Variants in LOXHD1 observed in about 807,000 individuals in gnomAD.
LOXHD1 encodes the protein lipoxygenase homology domain-containing protein 1.
A neutral mutation model predicts 248.2 loss-of-function variants in LOXHD1; 205 were observed. The ratio of observed to expected loss-of-function variants is 0.83; its 90% CI spans 0.74 to 0.93. LOXHD1 has a LOEUF of 0.93. LOXHD1 is among the 40% of genes least tolerant of loss of function. The pLI is 0.00. For missense variants in LOXHD1, 2,930 were observed against 2,971.6 expected (o/e 0.99, Z 0.33); for synonymous variants, 1,113 against 1,162.8 (o/e 0.96, Z 0.87).
At chr18:46,576,655 T>C (rs2037861482) in intron 14 of LOXHD1, among the ~76,000 whole-genome samples, 1 of 152,182 alleles carries the variant, frequency 6.6e-6, no homozygotes, top group South Asian at 2.1e-4. Context: ...TGTAATTCCT[T>C]GTAATACAAA....
At chr18:46,653,728 C>T (rs765899980) in intron 1 of LOXHD1, among the ~76,000 whole-genome samples, 1 of 152,152 alleles carries the variant, frequency 6.6e-6, no homozygotes, top group Non-Finnish European at 1.5e-5. Context: ...GGATTTGAAG[C>T]CCAGTTCTAC....
At chr18:46,552,444 A>AC (rs1394620354) in intron 21 of LOXHD1, among the ~76,000 whole-genome samples, 1 of 151,748 alleles carries the variant, frequency 6.6e-6, no homozygotes, top group Non-Finnish European at 1.5e-5. Flanking sequence ...TGCACCCCCA[A>AC]CCCCCTCCTC....
In LOXHD1 at chr18:46,577,745, C is replaced by A. The variant is rs2037885734; in HGVS notation, c.1932G>T (p.Gly644=). The A allele has an allele frequency of 6.4e-7, 1 of 1,551,650 alleles. No homozygotes were observed. Among genetic ancestry groups the A allele is most frequent in the Admixed American group, 2.0e-5 (1 of 51,010 alleles). The change falls in exon 14 of 41, where the codon GGG becomes GGT. Residue 644 remains glycine, a synonymous_variant. Transcript: ENST00000642948. ...YLDRVLVREE[G]QPESDNVEFP... is the part of the protein sequence containing the mutation. ...ACTCCACGTTGTCGCTCTCAGGCTG[C>A]CCCTCCTCTCTCACCAGCACTCTGT...
chr18:46,511,731 G>A (rs1380383955), intron 34 of LOXHD1, among the ~76,000 whole-genome samples: 1 of 152,184 alleles, frequency 6.6e-6, no homozygotes, highest in Non-Finnish European at 1.5e-5. Context: ...GATGGTGTGG[G>A]GTCTAAAGCC....
At position 46,503,431 on chromosome 18, in the gene LOXHD1, C is replaced by T. The variant is rs570653910; in HGVS notation, c.5878+2407G>A. 2.6e-5 allele frequency among the ~76,000 whole-genome samples: 4 copies of T among 152,284 alleles called. No homozygotes were observed. In the South Asian group the frequency reaches 6.2e-4, roughly 24 times the overall value. On this transcript the variant is annotated intron_variant, in intron 37 of 40. Transcript: ENST00000642948. ...CAGAATGTGGCTCAATGCTTTCACACTTGTCTTGACTACGTGATCACTGTT... is the reference window on the plus strand; with the variant it reads ...CAGAATGTGGCTCAATGCTTTCACATTTGTCTTGACTACGTGATCACTGTT...
chr18:46,520,201 C>A, intron 33 of LOXHD1: 1 of 458,870 alleles, frequency 2.2e-6, no homozygotes, highest in South Asian at 1.6e-5. Context: ...AGTGGCAGGC[C>A]CCCACACTCC....
At chr18:46,617,416 C>T (rs2038602430) in intron 5 of LOXHD1, among the ~76,000 whole-genome samples, 1 of 152,212 alleles carries the variant, frequency 6.6e-6, no homozygotes, top group African/African-American at 2.4e-5. Flanking sequence ...GGTATGAAAG[C>T]TCATCCCCTA....
At chr18:46,518,292 C>T (rs781302280) in intron 33 of LOXHD1, 36 bp from the exon 34 acceptor site, 35 of 1,545,852 alleles carry the variant, frequency 2.3e-5, no homozygotes, top group South Asian at 1.9e-4. Context: ...GAGTCTCAGC[C>T]TCACCCTCCA....
At chr18:46,484,979 A>ACCC in intron 39 of LOXHD1, 40 bp downstream of exon 39, 2 of 1,436,222 alleles carry the variant, frequency 1.4e-6, no homozygotes, top group Non-Finnish European at 1.9e-6. Context: ...TCCCTTACCT[A>ACCC]CCCACCCCCC....
Position 46,524,470 on chromosome 18 carries a change from G to A in LOXHD1, c.4872C>T (p.Gly1624=). Residue 1624 remains glycine (G), a synonymous_variant, in exon 31 of 41, where the codon GGC becomes GGT. Transcript: ENST00000642948. The stretch of plus-strand genomic sequence containing the variant: ...AGAGCTCCCTGGTTGGCTTACTTGG[G>A]CCCTCTTGAACGTAGTCAGCCATGG... The part of the protein sequence containing the change: ...TGPMADYVQE[G]PIIPYYVSVT... 2 of 1,549,470 alleles carry A rather than the reference G, an allele frequency of 1.3e-6. No individual in the cohort carries two copies. The highest frequency in any genetic ancestry group is 1.7e-6 in the Non-Finnish European group (2 of 1,145,108).
intron 34 of LOXHD1, among the ~76,000 whole-genome samples, chr18:46,517,134 C>G (rs1400098685): frequency 1.3e-5 from 2 of 152,068 alleles, no homozygotes; most frequent in African/African-American, 4.8e-5. Context: ...AAATGTTAAG[C>G]TTAGGATCCG....
At chr18:46,621,763 G>T (rs1359951569) in intron 4 of LOXHD1, among the ~76,000 whole-genome samples, 1 of 152,134 alleles carries the variant, frequency 6.6e-6, no homozygotes, top group Non-Finnish European at 1.5e-5. Flanking sequence ...CTGCCCAAAG[G>T]CCAGCAGGAA....
intron 37 of LOXHD1, among the ~76,000 whole-genome samples, chr18:46,495,607 G>A (rs1451826036): frequency 1.3e-5 from 2 of 151,918 alleles, no homozygotes; most frequent in Admixed American, 1.3e-4. Context: ...ATCAATAAAC[G>A]GTATTTCCTC....
At position 46,485,043 on chromosome 18, in the gene LOXHD1, G is replaced by A. The variant is rs868041554; in HGVS notation, c.6158C>T (p.Ser2053Phe). ...CTTCCTAAAGGCCCGCTGCCTAGAA[G>A]AATTTTCCATGAGAAACTCTTTGGA... Reference protein sequence around the residue: ...NRSKEFLMENSSRQRAFRKGT... With the variant: ...NRSKEFLMENFSRQRAFRKGT... The change falls in exon 39 of 41, where the codon TCT (serine) becomes TTT (phenylalanine). Residue 2053 changes from serine (S) to phenylalanine (F), a missense_variant. By Grantham distance (155) the Ser-to-Phe change is radical. Coordinates refer to ENST00000642948, the MANE Select transcript of LOXHD1 (RefSeq NM_001384474.1). 2 of 1,550,846 alleles carry A rather than the reference G, an allele frequency of 1.3e-6. No individual in the cohort carries two copies. The highest frequency in any genetic ancestry group is 1.2e-5 in the South Asian group (1 of 83,990).
chr18:46,505,283 G>A (rs912370830), intron 37 of LOXHD1, among the ~76,000 whole-genome samples: 2 of 151,944 alleles, frequency 1.3e-5, no homozygotes, highest in African/African-American at 2.4e-5. Flanking sequence ...CTGGGCTCAG[G>A]CAATCCTCCC....
chr18:46,616,313 C>T (rs936224918), intron 5 of LOXHD1, among the ~76,000 whole-genome samples: 2 of 152,022 alleles, frequency 1.3e-5, no homozygotes, highest in African/African-American at 4.8e-5. Flanking sequence ...GTTACTTTTA[C>T]AATTTTGATA....
intron 21 of LOXHD1, 72 bp from the exon 22 acceptor site, chr18:46,547,130 A>T: frequency 1.3e-6 from 2 of 1,514,780 alleles, no homozygotes; most frequent in Non-Finnish European, 1.8e-6. Flanking sequence ...TCATGGGCTG[A>T]GAATGAGAGG....
At chr18:46,628,029 T>C (rs2038768620) in intron 4 of LOXHD1, among the ~76,000 whole-genome samples, 1 of 152,182 alleles carries the variant, frequency 6.6e-6, no homozygotes. Context: ...ATTGAATCAC[T>C]GAATGAATGT....
Position 46,642,052 on chromosome 18 carries a change from G to A in LOXHD1, c.246-16C>T. 6.4e-7 allele frequency: 1 copy of A among 1,550,974 alleles called. No individual in the cohort carries two copies. The highest frequency in any genetic ancestry group is 8.7e-7 in the Non-Finnish European group (1 of 1,146,020). ...AGACTTGCTCCTGCAATGAACACGT[G>A]CAGTTAGTGCAGATCAGCTGTTGGC... On this transcript the variant is annotated splice_polypyrimidine_tract_variant and intron_variant, in intron 2 of 40. Transcript: ENST00000642948.
Sources: gnomAD v4.1 joint callset for allele counts (sites outside exome capture counted in the v4.1 genomes callset) on GRCh38, gnomAD v4.1.1 for gene constraint, MANE v1.5 for transcripts, NCBI Gene and HGNC (gene_info 2026-07-23, HGNC 2026-07-21) for gene names.